MLC1: variants seen among roughly 807,000 people sequenced by gnomAD.
MLC1 encodes the protein modulator of VRAC current 1, also known as membrane protein MLC1.
Under a neutral mutation model 44.7 loss-of-function variants are expected in MLC1, and 32 were observed. That is an observed-to-expected ratio of 0.72 (90% confidence interval 0.54 to 0.96). The LOEUF (loss-of-function observed/expected upper bound fraction) is 0.96, where lower values mean the gene tolerates loss of function less well. MLC1 is among the 40% of genes least tolerant of loss of function. The pLI is 0.00. For synonymous variants in MLC1, 190 were observed against 213.0 expected, an observed-to-expected ratio of 0.89 and a Z score of 0.94; for missense variants, 459 against 492.2, an observed-to-expected ratio of 0.93 and a Z score of 0.64.
chr22:50,084,935 T>C lies in MLC1; in HGVS notation c.-33A>G. On this transcript the variant is annotated 5_prime_UTR_variant, in exon 2 of 12. Transcript: ENST00000311597. ...GGGGACACCACAGCTGTGCTGAATGTACAGCCACGTGTCACCAGTTCTTTA... is the reference window on the plus strand; with the variant it reads ...GGGGACACCACAGCTGTGCTGAATGCACAGCCACGTGTCACCAGTTCTTTA... 2 of 1,607,020 alleles carry C rather than the reference T, an allele frequency of 1.2e-6. No homozygotes were observed. Among genetic ancestry groups the C allele is most frequent in the Non-Finnish European group, 1.7e-6 (2 of 1,179,796 alleles).
At chr22:50,072,276 CCTGCCCTGGAAGGG>C (rs1213510725) in intron 8 of MLC1, among the ~76,000 whole-genome samples, 1 of 152,222 alleles carries the variant, frequency 6.6e-6, no homozygotes, top group East Asian at 1.9e-4. Context: ...AATCAAGGGC[CCTGCCCTGGAAGGG>C]TCCAGGCCTG....
chr22:50,077,882 G>T (rs895133608), intron 5 of MLC1, among the ~76,000 whole-genome samples: 1 of 151,482 alleles, frequency 6.6e-6, no homozygotes, highest in African/African-American at 2.4e-5. Context: ...TTTTTGGAGG[G>T]TAATGAAACG....
rs1000595034 is a variant in MLC1 at position 50,064,268 on chromosome 22, G to A, written c.895-70C>T. The A allele has an allele frequency of 8.7e-5, 133 of 1,530,194 alleles. 1 individual carries two copies. In the East Asian group the frequency reaches 2.6e-3, roughly 30 times the overall value. The allele number at this position is 1,530,194 out of a possible 1,614,324, so 94.8% of individuals were successfully genotyped here. A position where few individuals can be genotyped will look rare whatever the true frequency, so the allele number is the denominator to read the frequency against. ...CAGCCCAGGAGACCAAAGCTCCCTC[G>A]TGCCCACGGCCTTCACAAAGAGCAG... On this transcript the variant is annotated intron_variant, in intron 10 of 11. Transcript: ENST00000311597.
intron 9 of MLC1, 30 bp from the exon 10 acceptor site, chr22:50,068,585 C>G (rs751685674): frequency 7.2e-7 from 1 of 1,391,714 alleles, no homozygotes; most frequent in Non-Finnish European, 9.6e-7. Context: ...TGCAGGACCA[C>G]GGCCGGAGCC....
Position 50,084,592 on chromosome 22 carries a change from A to G in MLC1, c.177+134T>C, listed in dbSNP as rs2062234019. On this transcript the variant is annotated intron_variant, in intron 2 of 11. Coordinates refer to ENST00000311597, the MANE Select transcript of MLC1 (RefSeq NM_015166.4). Reference sequence around the variant, plus strand: ...AAGCAAAACAAGCTCGTCGGCATCCAAGAGTTCTGCAGCAGCAGGGTTAGT... The same window carrying G: ...AAGCAAAACAAGCTCGTCGGCATCCGAGAGTTCTGCAGCAGCAGGGTTAGT... The G allele has an allele frequency of 7.1e-6, 7 of 989,076 alleles. No individual in the cohort carries two copies. The Admixed American group carries it at 1.2e-4, about 17-fold the overall frequency. The allele number at this position is 989,076 out of a possible 1,614,324, so 61.3% of individuals were successfully genotyped here. A position where few individuals can be genotyped will look rare whatever the true frequency, so the allele number is the denominator to read the frequency against.
chr22:50,072,591 G>A (rs1042988787), intron 8 of MLC1, among the ~76,000 whole-genome samples: 1 of 152,218 alleles, frequency 6.6e-6, no homozygotes, highest in African/African-American at 2.4e-5. Context: ...CGGGATGGGA[G>A]GGGCCTCTGT....
At position 50,080,345 on chromosome 22, in the gene MLC1, A is replaced by G; in HGVS notation, c.320T>C (p.Val107Ala). ...AGGCTGCCTGCAAGCTAGACTCACC[A>G]CATTGGCGTTCCTCCTGGAGACGGT... ...SFTVSRRNAN[V>A]IPNFQILFVS... The change falls in exon 4 of 12, where the codon GTG becomes GCG. Residue 107 changes from valine (V) to alanine (A), a missense_variant and splice_region_variant. By Grantham distance (64) the Val-to-Ala change is moderately conservative. Coordinates refer to ENST00000311597, the MANE Select transcript of MLC1 (RefSeq NM_015166.4). The G allele has an allele frequency of 6.2e-7, 1 of 1,607,030 alleles. No individual in the cohort carries two copies.
chr22:50,077,792 G>T (rs547009559), intron 5 of MLC1, among the ~76,000 whole-genome samples: 2 of 152,160 alleles, frequency 1.3e-5, no homozygotes, highest in Non-Finnish European at 2.9e-5. Context: ...CATTCTGAAC[G>T]CTCCTTGTTC....
chr22:50,063,629 C>G (rs1420775953), intron 11 of MLC1, among the ~76,000 whole-genome samples: 1 of 151,516 alleles, frequency 6.6e-6, no homozygotes, highest in African/African-American at 2.4e-5. Context: ...CCGCAGGCCT[C>G]TCACCTCCCC....
At position 50,083,041 on chromosome 22, in the gene MLC1, G is replaced by C. The variant is rs376615743; in HGVS notation, c.267+43C>G. ...GAACAAAGAAACCAGAGCACGTGCC[G>C]GCGAGCTTGGGCACTGGCAGAGGCG... On this transcript the variant is annotated intron_variant, in intron 3 of 11. Coordinates refer to ENST00000311597, the MANE Select transcript of MLC1 (RefSeq NM_015166.4). This position sits in a 1 kb window ranked among gnomAD's most constrained non-coding sequence, Gnocchi z 4.6. 6.3e-7 allele frequency: 1 copy of C among 1,575,164 alleles called. No individual in the cohort carries two copies. Among genetic ancestry groups the C allele is most frequent in the Admixed American group, 1.7e-5 (1 of 59,950 alleles).
intron 8 of MLC1, among the ~76,000 whole-genome samples, chr22:50,073,001 A>G (rs2061892347): frequency 8.0e-6 from 1 of 125,256 alleles, no homozygotes; most frequent in African/African-American, 2.8e-5. Flanking sequence ...GGATGTGTCC[A>G]CCTGGCAGGC....
rs1217260208 is a variant in MLC1 at position 50,064,265 on chromosome 22, C to G, written c.895-67G>C. 6.5e-6 allele frequency: 10 copies of G among 1,533,586 alleles called. No homozygotes were observed. In the Admixed American group the frequency reaches 1.9e-4, roughly 30 times the overall value. The allele number at this position is 1,533,586 out of a possible 1,614,324, so 95.0% of individuals were successfully genotyped here. On this transcript the variant is annotated intron_variant, in intron 10 of 11. Transcript: ENST00000311597. ...CTCCAGCCCAGGAGACCAAAGCTCC[C>G]TCGTGCCCACGGCCTTCACAAAGAG...
At chr22:50,068,723 T>C (rs1442203458) in intron 9 of MLC1, among the ~76,000 whole-genome samples, 168 bp from the exon 10 acceptor site, 1 of 110,412 alleles carries the variant, frequency 9.1e-6, no homozygotes, top group African/African-American at 3.6e-5. Context: ...TTTTTTCTTT[T>C]TCTTTTTTTT....
At position 50,061,471 on chromosome 22, in the gene MLC1, T is replaced by G; in HGVS notation, c.*112A>C. 1 of 1,210,940 alleles carries G rather than the reference T, an allele frequency of 8.3e-7. No individual in the cohort carries two copies. The highest frequency in any genetic ancestry group is 1.2e-6 in the Non-Finnish European group (1 of 826,098). The allele number at this position is 1,210,940 out of a possible 1,614,324, so 75.0% of individuals were successfully genotyped here. A position where few individuals can be genotyped will look rare whatever the true frequency, so the allele number is the denominator to read the frequency against. On this transcript the variant is annotated 3_prime_UTR_variant, in exon 12 of 12. Coordinates refer to ENST00000311597, the MANE Select transcript of MLC1 (RefSeq NM_015166.4). The stretch of plus-strand genomic sequence containing the variant: ...ACCCCACCTGCAGCCTGGTTTGCCC[T>G]CACACAAGGGAAAAGAGGTGTTAGA...
intron 8 of MLC1, among the ~76,000 whole-genome samples, chr22:50,071,335 G>A (rs953669952): frequency 1.3e-5 from 2 of 151,992 alleles, no homozygotes; most frequent in Admixed American, 6.6e-5. Context: ...CAGGTGATCC[G>A]CCCGCCTCGG....
chr22:50,063,890 C>A (rs1421519390), intron 11 of MLC1, 144 bp downstream of exon 11: 4 of 829,000 alleles, frequency 4.8e-6, no homozygotes, highest in Middle Eastern at 3.8e-4. Flanking sequence ...CCCCTGCAGG[C>A]CACTCACCTC....
rs757510976 is a variant in MLC1, at chr22:50,083,185, C to T, written c.178-12G>A. ...ACCAGGAGGCAGCTCTGCAAGACAG[C>T]GACAGAATCCCAGGTTACAACGCGC... On this transcript the variant is annotated splice_polypyrimidine_tract_variant and intron_variant, in intron 2 of 11. Transcript: ENST00000311597. The surrounding 1 kb of genome is among the most constrained non-coding windows in gnomAD (Gnocchi z 4.6). 4 of 1,612,060 alleles carry T rather than the reference C, an allele frequency of 2.5e-6. No homozygotes were observed. The highest frequency in any genetic ancestry group is 1.1e-5 in the South Asian group (1 of 91,048).
chr22:50,064,869 C>T (rs1439504930), intron 10 of MLC1, among the ~76,000 whole-genome samples: 7 of 146,200 alleles, frequency 4.8e-5, no homozygotes, highest in African/African-American at 1.7e-4. Context: ...AACATCTATC[C>T]AATGTCACTG....
intron 5 of MLC1, among the ~76,000 whole-genome samples, chr22:50,077,961 A>G (rs1177376728): frequency 6.6e-6 from 1 of 151,284 alleles, no homozygotes; most frequent in Non-Finnish European, 1.5e-5. Context: ...AGAAGCATAC[A>G]TTTTAAAAAG....
Sources: allele counts gnomAD v4.1 joint callset (sites outside exome capture counted in the v4.1 genomes callset), GRCh38; gene constraint gnomAD v4.1.1; non-coding constraint Gnocchi (gnomAD v3.1); transcripts MANE v1.5; gene names NCBI Gene and HGNC (gene_info 2026-07-23, HGNC 2026-07-21).